Variants in MYRF observed in about 807,000 individuals in gnomAD.
The protein encoded by MYRF is myelin gene regulatory factor.
A neutral mutation model predicts 126.3 loss-of-function variants in MYRF; 16 were observed. The ratio of observed to expected loss-of-function variants is 0.13; its 90% confidence interval spans 0.09 to 0.19. MYRF has a LOEUF of 0.19. Among genes scored for constraint, MYRF ranks in the 10% least tolerant of loss-of-function variants. The pLI is 1.00. For missense variants in MYRF, 1,104 were observed against 1,547.0 expected, an observed-to-expected ratio of 0.71 and a Z score of 4.80; for synonymous variants, 608 against 635.3, an observed-to-expected ratio of 0.96 and a Z score of 0.65.
intron 1 of MYRF, among the ~76,000 whole-genome samples, chr11:61,760,158 A>G (rs940649658): frequency 1.3e-5 from 2 of 152,096 alleles, no homozygotes; most frequent in Admixed American, 6.5e-5. Context: ...TAGGAGAGAC[A>G]GCGTTTCACC....
At chr11:61,774,533 A>AG (rs1491111263) in intron 8 of MYRF, among the ~76,000 whole-genome samples, 14 of 127,652 alleles carry the variant, frequency 1.1e-4, no homozygotes, top group African/African-American at 3.3e-4. Flanking sequence ...AAAAAAAAAA[A>AG]GAAAAAAAAA....
At chr11:61,781,103 G>A (rs550620632) in intron 20 of MYRF, 35 bp from the exon 21 acceptor site, 19 of 1,611,704 alleles carry the variant, frequency 1.2e-5, no homozygotes, top group Middle Eastern at 1.7e-4. Context: ...TGTCTTTGGG[G>A]CTTCTCTGGC....
rs749546666 is a variant in MYRF at position 61,776,066 on chromosome 11, T to C, written c.1322T>C (p.Leu441Pro). The part of the protein sequence containing the change: ...LKLHGVKLEA[L>P]NQSINIEQSQ... Reference sequence around the variant, plus strand: ...CTTCACTCCCCACAGCTGGAGGCCCTGAACCAGTCCATTAACATCGAGCAG... The same window carrying C: ...CTTCACTCCCCACAGCTGGAGGCCCCGAACCAGTCCATTAACATCGAGCAG... The change falls in exon 9 of 27, where the codon CTG becomes CCG. Residue 441 changes from leucine (L) to proline (P), a missense_variant. By Grantham distance (98) the Leu-to-Pro change is moderately conservative. Transcript: ENST00000278836. The surrounding 1 kb of genome is among the most constrained non-coding windows in gnomAD (Gnocchi z 4.3). The C allele has an allele frequency of 3.1e-6, 5 of 1,613,974 alleles. No homozygotes were observed. In the Middle Eastern group the frequency reaches 8.2e-4, roughly 266 times the overall value.
Position 61,757,602 on chromosome 11 carries a change from G to A in MYRF, c.46+4812G>A, listed in dbSNP as rs562605356. On this transcript the variant is annotated intron_variant, in intron 1 of 26. Coordinates refer to ENST00000278836, the MANE Select transcript of MYRF (RefSeq NM_001127392.3). This position sits in a 1 kb window ranked among gnomAD's most constrained non-coding sequence, Gnocchi z 4.7. Reference sequence around the variant, plus strand: ...TGAACCATGACAGCTCTGGCCCAGCGTGGCCTGGTCCTGGTCCCTGGCACA... The same window carrying A: ...TGAACCATGACAGCTCTGGCCCAGCATGGCCTGGTCCTGGTCCCTGGCACA... 334 of 455,746 alleles carry A rather than the reference G, an allele frequency of 7.3e-4. 2 individuals are homozygous for A. Among genetic ancestry groups the A allele is most frequent in the South Asian group, 4.9e-3 (317 of 64,498 alleles). The allele number at this position is 455,746 out of a possible 1,614,324, so 28.2% of individuals were successfully genotyped here. A position where few individuals can be genotyped will look rare whatever the true frequency, so the allele number is the denominator to read the frequency against.
Position 61,778,369 on chromosome 11 carries a change from C to T in MYRF, c.1904-11C>T. The T allele has an allele frequency of 6.2e-7, 1 of 1,603,802 alleles. No individual in the cohort carries two copies. Among genetic ancestry groups the T allele is most frequent in the South Asian group, 1.1e-5 (1 of 90,862 alleles). On this transcript the variant is annotated splice_polypyrimidine_tract_variant and intron_variant, in intron 13 of 26. Coordinates refer to ENST00000278836, the MANE Select transcript of MYRF (RefSeq NM_001127392.3). This position sits in a 1 kb window ranked among gnomAD's most constrained non-coding sequence, Gnocchi z 4.6. Reference sequence around the variant, plus strand: ...CCCCCCACCCATCTTTGGCTTGTCCCCTGCCCCCAGGTGTCATCGCTCAGG... The same window carrying T: ...CCCCCCACCCATCTTTGGCTTGTCCTCTGCCCCCAGGTGTCATCGCTCAGG...
chr11:61,755,808 A>G (rs1222609869), intron 1 of MYRF: 4 of 497,496 alleles, frequency 8.0e-6, no homozygotes, highest in Non-Finnish European at 1.6e-5. Flanking sequence ...TGTCCCCCAG[A>G]AAGCAGGTGG....
At chr11:61,769,880 G>A (rs2135777264) in intron 4 of MYRF, among the ~76,000 whole-genome samples, 1 of 152,272 alleles carries the variant, frequency 6.6e-6, no homozygotes, top group South Asian at 2.1e-4. Context: ...GGGGAACACT[G>A]GGCAGGCCTG....
chr11:61,755,780 G>T (rs893511818), intron 1 of MYRF: 4 of 550,596 alleles, frequency 7.3e-6, no homozygotes, highest in Non-Finnish European at 1.4e-5. Context: ...GGCACATGAG[G>T]CTCGAGTGAG....
rs189537031 is a variant in MYRF at position 61,783,568 on chromosome 11, C to T, written c.3087C>T (p.Thr1029=). The change falls in exon 23 of 27, where the codon ACC becomes ACT. Residue 1029 remains threonine (T), a synonymous_variant. Coordinates refer to ENST00000278836, the MANE Select transcript of MYRF (RefSeq NM_001127392.3). This position sits in a 1 kb window ranked among gnomAD's most constrained non-coding sequence, Gnocchi z 4.6. ...TGCTGGAGAATTCGATGTCCATCAC[C>T]TCCCAGTACTGTGCTCCAGGGGATG... ...IQVLENSMSI[T]SQYCAPGDAC... The T allele has an allele frequency of 2.1e-4, 339 of 1,613,762 alleles. 1 individual carries two copies. In the East Asian group the frequency reaches 6.1e-3, roughly 29 times the overall value.
intron 21 of MYRF, 99 bp downstream of exon 21, chr11:61,781,428 C>T (rs544560497): frequency 7.1e-6 from 11 of 1,548,826 alleles, no homozygotes; most frequent in Middle Eastern, 3.5e-4. Flanking sequence ...GAGCCTAGAA[C>T]GAGGCTCTGG....
chr11:61,779,302 C>T lies in MYRF; in HGVS notation c.2053C>T (p.Leu685=), dbSNP rs1263600037. ...GGAGAACGTAGGGGCCGTGAAGGAGCTGTGCAAGCTGACAGACAACCTGGA... is the reference window on the plus strand; with the variant it reads ...GGAGAACGTAGGGGCCGTGAAGGAGTTGTGCAAGCTGACAGACAACCTGGA... ...FMENVGAVKE[L]CKLTDNLETR... is the part of the protein sequence containing the mutation. The change falls in exon 15 of 27, where the codon CTG becomes TTG. Residue 685 remains leucine, a synonymous_variant. Coordinates refer to ENST00000278836, the MANE Select transcript of MYRF (RefSeq NM_001127392.3). 1 of 1,549,084 alleles carries T rather than the reference C, an allele frequency of 6.5e-7. No homozygotes were observed.
rs2066393517 is a variant in MYRF, at chr11:61,776,698, G to A, written c.1500-89G>A. 1.9e-6 allele frequency: 2 copies of A among 1,065,512 alleles called. No individual in the cohort carries two copies. The highest frequency in any genetic ancestry group is 5.2e-5 in the East Asian group (2 of 38,464). 66.0% of individuals were successfully genotyped at this position (1,065,512 alleles called of 1,614,324 possible). A position where few individuals can be genotyped will look rare whatever the true frequency, so the allele number is the denominator to read the frequency against. On this transcript the variant is annotated intron_variant, in intron 10 of 26. Coordinates refer to ENST00000278836, the MANE Select transcript of MYRF (RefSeq NM_001127392.3). The surrounding 1 kb of genome is among the most constrained non-coding windows in gnomAD (Gnocchi z 4.3). ...TCGGGTTCCTCCTCTGTAGGAGGGG[G>A]TGAGATGAACATGCATCTGGCCAGG... is the stretch of plus-strand genomic sequence containing the variant.
Position 61,770,406 on chromosome 11 carries a change from G to A in MYRF, c.621G>A (p.Met207Ile), listed in dbSNP as rs1269707988. Residue 207 changes from methionine (M) to isoleucine (I), a missense_variant, in exon 5 of 27, where the codon ATG (methionine) becomes ATA (isoleucine). Around this residue, in one of 10 missense-constraint regions of MYRF, gnomAD observed 368 missense variants for 403.9 expected, o/e 0.91. Coordinates refer to ENST00000278836, the MANE Select transcript of MYRF (RefSeq NM_001127392.3). The stretch of plus-strand genomic sequence containing the variant: ...CTGTCCTGCAGCGGGATCTGTACAT[G>A]AAGGCCGAGCCCCCGATCCCCCACT... ...HYPVLQRDLY[M>I]KAEPPIPHYA... 6.6e-7 allele frequency: 1 copy of A among 1,526,344 alleles called. No homozygotes were observed. Among genetic ancestry groups the A allele is most frequent in the Non-Finnish European group, 8.8e-7 (1 of 1,131,910 alleles). 94.6% of individuals were successfully genotyped at this position (1,526,344 alleles called of 1,614,324 possible).
At chr11:61,758,322 C>T (rs2065814368) in intron 1 of MYRF, among the ~76,000 whole-genome samples, 1 of 152,224 alleles carries the variant, frequency 6.6e-6, no homozygotes, top group South Asian at 2.1e-4. Context: ...TCCCTCCGGC[C>T]TCCCTCACTC....
chr11:61,755,570 G>C, intron 1 of MYRF: 1 of 1,201,290 alleles, frequency 8.3e-7, no homozygotes, highest in East Asian at 2.4e-5. Flanking sequence ...AGAGTGGGGT[G>C]ACCGTCTGTG....
Position 61,777,730 on chromosome 11 carries a change from G to C in MYRF, c.1792-4G>C. On this transcript the variant is annotated splice_region_variant and splice_polypyrimidine_tract_variant and intron_variant, in intron 12 of 26. Coordinates refer to ENST00000278836, the MANE Select transcript of MYRF (RefSeq NM_001127392.3). This position sits in a 1 kb window ranked among gnomAD's most constrained non-coding sequence, Gnocchi z 8.8. ...GGTTCATTCCCGGGCCTGGCTCCCC[G>C]CAGGTGGACACCACCGAGCAATTGA... The C allele has an allele frequency of 3.9e-6, 6 of 1,549,608 alleles. No homozygotes were observed. The highest frequency in any genetic ancestry group is 5.2e-6 in the Non-Finnish European group (6 of 1,145,520).
chr11:61,767,577 G>A (rs2135757545), intron 3 of MYRF: 2 of 370,322 alleles, frequency 5.4e-6, no homozygotes, highest in Non-Finnish European at 1.1e-5. Flanking sequence ...TGTAATCCCA[G>A]CACTTTGGAA....
At chr11:61,780,364 ATGAGAC>A (rs2066510075) in intron 18 of MYRF, 74 bp downstream of exon 18, 1 of 1,314,512 alleles carries the variant, frequency 7.6e-7, no homozygotes, top group Admixed American at 1.9e-5. Context: ...TCAGAGAGCC[ATGAGAC>A]TGTCTTCTCT....
Position 61,779,828 on chromosome 11 carries a change from C to G in MYRF, c.2248-14C>G. Reference sequence around the variant, plus strand: ...GGCCCTCTTTGCATTTGCACTTTTCCTCTTGGTCCTCAGTCATCGTCCGTG... The same window carrying G: ...GGCCCTCTTTGCATTTGCACTTTTCGTCTTGGTCCTCAGTCATCGTCCGTG... On this transcript the variant is annotated splice_polypyrimidine_tract_variant and intron_variant, in intron 16 of 26. Coordinates refer to ENST00000278836, the MANE Select transcript of MYRF (RefSeq NM_001127392.3). 1 of 1,612,412 alleles carries G rather than the reference C, an allele frequency of 6.2e-7. No individual in the cohort carries two copies. Among genetic ancestry groups the G allele is most frequent in the Non-Finnish European group, 8.5e-7 (1 of 1,178,706 alleles).
Sources: gnomAD v4.1 joint callset for allele counts (sites outside exome capture counted in the v4.1 genomes callset) on GRCh38, gnomAD v4.1.1 for gene constraint, gnomAD v4.1.1 regional missense constraint, Gnocchi (gnomAD v3.1) non-coding constraint, MANE v1.5 for transcripts, NCBI Gene and HGNC (gene_info 2026-07-23, HGNC 2026-07-21) for gene names.